Variants in NFIB observed in about 807,000 individuals in gnomAD.
The protein encoded by NFIB is nuclear factor I B, also known as nuclear factor 1 B-type.
A neutral mutation model predicts 61.5 loss-of-function variants in NFIB; 11 were observed. That is an observed-to-expected ratio of 0.18 (90% CI 0.11 to 0.30). NFIB has a LOEUF of 0.30. Among genes scored for constraint, NFIB ranks in the 10% least tolerant of loss-of-function variants. The pLI, the probability that NFIB is intolerant of heterozygous loss-of-function variation, is 1.00. For synonymous variants in NFIB, 260 were observed against 216.5 expected (o/e 1.20, Z -1.76); for missense variants, 471 against 608.9 (o/e 0.77, Z 2.38).
intron 3 of NFIB, among the ~76,000 whole-genome samples, chr9:14,172,007 T>C (rs934524084): frequency 8.6e-5 from 13 of 151,336 alleles, no homozygotes; most frequent in Non-Finnish European, 1.5e-4. Context: ...CCAGGAGAGG[T>C]CCTGTTTTCA....
At chr9:14,531,738 G>A in the NFIB span, among the ~76,000 whole-genome samples, 1 of 150,740 alleles carries the variant, frequency 6.6e-6, no homozygotes, top group Non-Finnish European at 1.5e-5. Context: ...TTAAAAAGAA[G>A]GCCTATGCCC....
chr9:14,165,117 G>A (rs1366157811), intron 3 of NFIB, among the ~76,000 whole-genome samples: 1 of 152,148 alleles, frequency 6.6e-6, no homozygotes, highest in Non-Finnish European at 1.5e-5. Flanking sequence ...TACTAGAAAT[G>A]TGAGTAAGAA....
At chr9:14,476,927 CATA>C in the NFIB span, among the ~76,000 whole-genome samples, 1 of 152,254 alleles carries the variant, frequency 6.6e-6, no homozygotes, top group East Asian at 1.9e-4. Flanking sequence ...GATTATAGCT[CATA>C]ATGTTTGAGC....
At chr9:14,187,628 T>C (rs2047525447) in intron 2 of NFIB, among the ~76,000 whole-genome samples, 1 of 152,156 alleles carries the variant, frequency 6.6e-6, no homozygotes, top group African/African-American at 2.4e-5. Context: ...AGCTTTCTTT[T>C]AAAGAGCCAC....
chr9:14,401,867 T>A (rs1046724239), upstream of NFIB, among the ~76,000 whole-genome samples: 1 of 151,964 alleles, frequency 6.6e-6, no homozygotes, highest in Non-Finnish European at 1.5e-5. Context: ...ATAATAAAAG[T>A]GAGACTGGTG....
intron 6 of NFIB, among the ~76,000 whole-genome samples, chr9:14,145,187 A>G (rs1032552220): frequency 7.9e-5 from 12 of 151,948 alleles, no homozygotes; most frequent in African/African-American, 2.7e-4. Flanking sequence ...GCATAAAATG[A>G]CCCTTGCCAT....
intron 3 of NFIB, among the ~76,000 whole-genome samples, chr9:14,157,108 A>G (rs1255809012): frequency 6.6e-6 from 1 of 152,126 alleles, no homozygotes; most frequent in African/African-American, 2.4e-5. Context: ...AAAATCACCT[A>G]TCTTATAGAG....
chr9:14,391,980 A>C (rs910302435), intron 1 of NFIB, among the ~76,000 whole-genome samples: 8 of 152,346 alleles, frequency 5.3e-5, no homozygotes, highest in Admixed American at 3.9e-4. Context: ...ACAAGAATCA[A>C]GTTTGCTGAA....
At chr9:14,369,974 C>T (rs1588381378) in intron 1 of NFIB, among the ~76,000 whole-genome samples, 1 of 152,198 alleles carries the variant, frequency 6.6e-6, no homozygotes, top group Non-Finnish European at 1.5e-5. Context: ...AGGTTATGTC[C>T]TACTGTGTAT....
the NFIB span, among the ~76,000 whole-genome samples, chr9:14,412,970 C>T: frequency 1.4e-3 from 218 of 152,280 alleles, 1 homozygote; most frequent in African/African-American, 5.1e-3. Context: ...CCAGAAGAGC[C>T]ACAGTACAAA....
the NFIB span, among the ~76,000 whole-genome samples, chr9:14,507,953 CA>C: frequency 1.4e-5 from 2 of 144,490 alleles, no homozygotes. Context: ...CACACAGACA[CA>C]GACACAGACA....
chr9:14,112,673 GT>G (rs1469326015), intron 10 of NFIB, among the ~76,000 whole-genome samples: 2 of 152,166 alleles, frequency 1.3e-5, no homozygotes, highest in African/African-American at 4.8e-5. Context: ...ACAGTTTGCA[GT>G]TTTTGTCTTT....
Position 14,088,239 on chromosome 9 carries a change from G to T in NFIB, c.*70C>A. 6.3e-7 allele frequency: 1 copy of T among 1,575,702 alleles called. No homozygotes were observed. The highest frequency in any genetic ancestry group is 8.6e-7 in the Non-Finnish European group (1 of 1,158,270). On this transcript the variant is annotated 3_prime_UTR_variant, in exon 11 of 11. Transcript: ENST00000380953. ...CTTGAAGGAAAGGTTCTCCAATTAT[G>T]TTCAAACCGTAATTTTGGACATTGG...
At chr9:14,123,808 T>G (rs924480765) in intron 7 of NFIB, among the ~76,000 whole-genome samples, 7 of 151,444 alleles carry the variant, frequency 4.6e-5, no homozygotes, top group Admixed American at 6.6e-5. Flanking sequence ...CCTTCCATGT[T>G]GCCCCTCTTC....
the NFIB span, among the ~76,000 whole-genome samples, chr9:14,421,454 C>G: frequency 6.6e-6 from 1 of 152,066 alleles, no homozygotes; most frequent in Non-Finnish European, 1.5e-5. Flanking sequence ...AGCAGGAACA[C>G]AACAAATCAG....
chr9:14,477,627 G>A, the NFIB span, among the ~76,000 whole-genome samples: 35 of 152,278 alleles, frequency 2.3e-4, no homozygotes, highest in African/African-American at 7.9e-4. Context: ...GGTAATGCAT[G>A]AGTTGGGCTG....
chr9:14,363,664 C>T (rs2061267616), intron 1 of NFIB, among the ~76,000 whole-genome samples: 1 of 150,898 alleles, frequency 6.6e-6, no homozygotes, highest in African/African-American at 2.5e-5. Context: ...CACACATAAA[C>T]ATCTTTAAAC....
intron 6 of NFIB, among the ~76,000 whole-genome samples, chr9:14,135,365 G>A (rs912986855): frequency 2.0e-5 from 3 of 152,124 alleles, no homozygotes; most frequent in African/African-American, 7.2e-5. Flanking sequence ...ACTGGATATT[G>A]CAAAACTGTA....
chr9:14,237,841 CAGTGTGTGTGTG>C lies in NFIB; in HGVS notation c.563-58073_563-58062del, dbSNP rs1368635037. Among the ~76,000 whole-genome samples, 11 of 26,028 alleles carry C rather than the reference CAGTGTGTGTGTG, an allele frequency of 4.2e-4. 2 individuals carry two copies. The East Asian group carries it at 7.7e-3, about 18-fold the overall frequency. 17.1% of individuals were successfully genotyped at this position (26,028 alleles called of 152,430 possible). A position where few individuals can be genotyped will look rare whatever the true frequency, so the allele number is the denominator to read the frequency against. ...AAGCTCCTCACCCTGCTAGGTATAA[CAGTGTGTGTGTG>C]TGTGTGTGTGTGTGTGTGTGTGTGT... On this transcript the variant is annotated intron_variant, in intron 2 of 10. Coordinates refer to ENST00000380953, the MANE Select transcript of NFIB (RefSeq NM_001190737.2).
Sources: gnomAD v4.1 joint callset for allele counts (sites outside exome capture counted in the v4.1 genomes callset) on GRCh38, gnomAD v4.1.1 for gene constraint, MANE v1.5 for transcripts, NCBI Gene and HGNC (gene_info 2026-07-23, HGNC 2026-07-21) for gene names.